The following BLTP1 variants were observed in gnomAD, a reference collection of about 807,000 sequenced individuals.
BLTP1 encodes the protein bridge-like lipid transfer protein family member 1, also known as fragile site-associated protein.
the BLTP1 span, chr4:122,273,324 T>G: frequency 3.0e-6 from 3 of 984,518 alleles, no homozygotes; most frequent in Non-Finnish European, 2.4e-6. Flanking sequence ...ATTTGAGGAT[T>G]ATGTACTTGG....
chr4:122,221,283 A>G, the BLTP1 span, among the ~76,000 whole-genome samples: 1 of 152,104 alleles, frequency 6.6e-6, no homozygotes, highest in Non-Finnish European at 1.5e-5. Flanking sequence ...TCTTCATGGA[A>G]TTTTAATTTA....
the BLTP1 span, chr4:122,199,531 C>A: frequency 8.3e-7 from 1 of 1,207,648 alleles, no homozygotes; most frequent in Non-Finnish European, 1.2e-6. Context: ...GTTTAAGTAA[C>A]CAGGAAATCA....
chr4:122,196,621 C>A, the BLTP1 span: 14 of 1,587,148 alleles, frequency 8.8e-6, no homozygotes, highest in Non-Finnish European at 1.2e-5. Context: ...ATTCTTTCTA[C>A]CTCCTTAATG....
chr4:122,328,244 A>T, the BLTP1 span: 1 of 1,611,256 alleles, frequency 6.2e-7, no homozygotes, highest in Non-Finnish European at 8.5e-7. Flanking sequence ...TTCCTTTCCA[A>T]ACTGAAGAGG....
At chr4:122,185,352 T>G in the BLTP1 span, 1 of 984,752 alleles carries the variant, frequency 1.0e-6, no homozygotes, top group Non-Finnish European at 1.2e-6. Context: ...GTTCTTTCAT[T>G]TGGTAACAAA....
At chr4:122,211,905 A>C in the BLTP1 span, 1 of 159,012 alleles carries the variant, frequency 6.3e-6, no homozygotes, top group African/African-American at 2.4e-5. Flanking sequence ...AACTACTATA[A>C]TCCTTGCTGA....
the BLTP1 span, among the ~76,000 whole-genome samples, chr4:122,176,839 C>A: frequency 1.3e-5 from 2 of 152,222 alleles, no homozygotes; most frequent in Non-Finnish European, 2.9e-5. Flanking sequence ...TGACTAACAG[C>A]TAAAATAATC....
At chr4:122,263,627 T>A in the BLTP1 span, 1 of 1,468,704 alleles carries the variant, frequency 6.8e-7, no homozygotes, top group Non-Finnish European at 9.4e-7. Context: ...TTATTTTGCT[T>A]AACTGTCTTA....
At chr4:122,297,632 C>A in the BLTP1 span, among the ~76,000 whole-genome samples, 1 of 152,082 alleles carries the variant, frequency 6.6e-6, no homozygotes, top group Non-Finnish European at 1.5e-5. Flanking sequence ...GCACTATTCA[C>A]AATAGCAAAG....
chr4:122,267,874 A>G, the BLTP1 span, among the ~76,000 whole-genome samples: 4,308 of 152,306 alleles, frequency 0.028, 137 homozygotes, highest in African/African-American at 0.08. Context: ...AATGGCATTT[A>G]TGACAAGAGG....
chr4:122,172,122 G>T, the BLTP1 span: 1 of 283,724 alleles, frequency 3.5e-6, no homozygotes, highest in Non-Finnish European at 5.3e-6. Flanking sequence ...CACTTGCTAT[G>T]TCAAAGCTAT....
the BLTP1 span, chr4:122,229,249 T>C: frequency 1.1e-5 from 18 of 1,589,832 alleles, no homozygotes; most frequent in Admixed American, 3.6e-5. Context: ...AGGTAAGTGT[T>C]TTGCTTGGCT....
chr4:122,226,908 C>CT, the BLTP1 span: 1 of 1,188,316 alleles, frequency 8.4e-7, no homozygotes, highest in Non-Finnish European at 1.2e-6. Flanking sequence ...GAGATATCAG[C>CT]TTCAAGTCAA....
At chr4:122,215,671 C>T in the BLTP1 span, 1 of 593,400 alleles carries the variant, frequency 1.7e-6, no homozygotes, top group Non-Finnish European at 2.1e-6. Flanking sequence ...CTGCTTTGAA[C>T]ATCTTTAAGT....
At chr4:122,346,904 C>A in the BLTP1 span, 2 of 1,387,894 alleles carry the variant, frequency 1.4e-6, no homozygotes, top group Non-Finnish European at 1.9e-6. Flanking sequence ...CTCTAATATG[C>A]CAACCACAAG....
the BLTP1 span, chr4:122,185,983 T>C: frequency 1.5e-6 from 2 of 1,376,398 alleles, no homozygotes; most frequent in South Asian, 1.5e-5. Flanking sequence ...GAGTAAAAAC[T>C]TTGAAGTTCT....
chr4:122,232,093 G>C, the BLTP1 span: 204 of 985,270 alleles, frequency 2.1e-4, no homozygotes, highest in Non-Finnish European at 2.4e-4. Context: ...CAGGTGACTC[G>C]AGTTGCTCCA....
At chr4:122,200,614 A>G in the BLTP1 span, 1 of 981,162 alleles carries the variant, frequency 1.0e-6, no homozygotes, top group African/African-American at 1.8e-5. Context: ...GCCAAACTGC[A>G]GAAATACTAA....
the BLTP1 span, chr4:122,270,212 T>G: frequency 1.5e-5 from 3 of 204,782 alleles, no homozygotes; most frequent in South Asian, 5.2e-4. Context: ...CATTAAGGAA[T>G]TATTGCTCTG....
Sources: allele counts gnomAD v4.1 joint callset (sites outside exome capture counted in the v4.1 genomes callset), GRCh38; gene constraint gnomAD v4.1.1; transcripts MANE v1.5; gene names NCBI Gene and HGNC (gene_info 2026-07-23, HGNC 2026-07-21).